Variants in ATP10B observed in about 807,000 individuals in gnomAD.
The protein encoded by ATP10B is ATPase phospholipid transporting 10B (putative).
In ATP10B, 122 loss-of-function variants were observed where a neutral mutation model predicts 141.2. That is an observed-to-expected ratio of 0.86 (90% CI 0.75 to 1.00). The LOEUF (loss-of-function observed/expected upper bound fraction) is 1.00. Ranked by LOEUF, ATP10B falls within the 50% of genes least tolerant of loss-of-function variation. ATP10B has a pLI of 0.00. For synonymous variants in ATP10B, 685 were observed against 692.0 expected, an observed-to-expected ratio of 0.99 and a Z score of 0.16; for missense variants, 1,876 against 1,825.3, an observed-to-expected ratio of 1.03 and a Z score of -0.51.
chr5:160,646,415 T>A (rs148738694), intron 8 of ATP10B, among the ~76,000 whole-genome samples: 6 of 152,322 alleles, frequency 3.9e-5, no homozygotes, highest in Non-Finnish European at 7.4e-5. Flanking sequence ...ATTGTATTAA[T>A]TTTTACCTCT....
At chr5:160,919,223 CAAA>C in the ATP10B span, among the ~76,000 whole-genome samples, 24 of 26,962 alleles carry the variant, frequency 8.9e-4, no homozygotes, top group Admixed American at 3.3e-3. Context: ...AACTCCGTCT[CAAA>C]AAAAAAAAAA....
At chr5:160,873,953 G>T in the ATP10B span, among the ~76,000 whole-genome samples, 15,592 of 152,290 alleles carry the variant, frequency 0.1, 1,149 homozygotes, top group East Asian at 0.32. Context: ...CAGCCAGGCT[G>T]GGGGAGGGGC....
At chr5:160,748,843 ATTT>A (rs1280968317) in intron 2 of ATP10B, among the ~76,000 whole-genome samples, 1 of 152,162 alleles carries the variant, frequency 6.6e-6, no homozygotes, top group Non-Finnish European at 1.5e-5. Context: ...ATAACATCTT[ATTT>A]TTTATTATTA....
intron 21 of ATP10B, among the ~76,000 whole-genome samples, chr5:160,599,806 GT>G (rs1274435013): frequency 4.6e-5 from 7 of 152,166 alleles, no homozygotes; most frequent in African/African-American, 1.7e-4. Context: ...TTGCGATATG[GT>G]TTGGTGATTT....
At chr5:160,926,344 C>A in the ATP10B span, among the ~76,000 whole-genome samples, 16 of 152,206 alleles carry the variant, frequency 1.1e-4, no homozygotes, top group Admixed American at 9.8e-4. Context: ...TTTCATAATA[C>A]AACATTGCTT....
At chr5:160,646,135 AG>A (rs1760260431) in intron 8 of ATP10B, among the ~76,000 whole-genome samples, 1 of 152,232 alleles carries the variant, frequency 6.6e-6, no homozygotes, top group African/African-American at 2.4e-5. Context: ...CTATACAACT[AG>A]TACATGAGAC....
the ATP10B span, among the ~76,000 whole-genome samples, chr5:160,911,360 G>A: frequency 1.3e-5 from 2 of 152,174 alleles, no homozygotes; most frequent in South Asian, 4.1e-4. Flanking sequence ...AACTAAAAAG[G>A]ATAAACATGA....
chr5:160,923,265 GA>G, the ATP10B span, among the ~76,000 whole-genome samples: 1 of 152,220 alleles, frequency 6.6e-6, no homozygotes, highest in Admixed American at 6.5e-5. Context: ...TGTGGTGGAA[GA>G]GGAAGAATTT....
At chr5:160,773,252 T>C (rs1770038579) in intron 2 of ATP10B, among the ~76,000 whole-genome samples, 1 of 152,194 alleles carries the variant, frequency 6.6e-6, no homozygotes, top group Admixed American at 6.5e-5. Context: ...AAAATAGTCG[T>C]AGTCTTAGCT....
intron 3 of ATP10B, among the ~76,000 whole-genome samples, chr5:160,689,408 T>C (rs947534611): frequency 2.0e-5 from 3 of 152,134 alleles, no homozygotes; most frequent in African/African-American, 7.2e-5. Context: ...AATAAAGGTA[T>C]TCGAATAGGA....
At chr5:160,605,582 G>A (rs986441963) in intron 19 of ATP10B, among the ~76,000 whole-genome samples, 5 of 152,146 alleles carry the variant, frequency 3.3e-5, no homozygotes, top group African/African-American at 9.7e-5. Context: ...GTAGGATGTC[G>A]TTGCTAAATT....
rs1346875295 is a variant in ATP10B, at chr5:160,653,873, G to A, written c.676-4617C>T. Among the ~76,000 whole-genome samples, 45 of 108,018 alleles carry A rather than the reference G, an allele frequency of 4.2e-4. 3 individuals carry two copies. Among genetic ancestry groups the A allele is most frequent in the African/African-American group, 1.3e-3 (33 of 26,282 alleles). 70.9% of individuals were successfully genotyped at this position (108,018 alleles called of 152,430 possible). ...CATATATAAATATATATTAATATAC[G>A]TATATACATATATAAATATATGTAG... On this transcript the variant is annotated intron_variant, in intron 7 of 25. Transcript: ENST00000327245.
chr5:160,792,803 T>C (rs1007543585), intron 1 of ATP10B, among the ~76,000 whole-genome samples: 7 of 152,210 alleles, frequency 4.6e-5, no homozygotes, highest in African/African-American at 1.7e-4. Flanking sequence ...ATGTAATTGG[T>C]CACTCTTGGC....
At position 160,687,928 on chromosome 5, in the gene ATP10B, G is replaced by T. The variant is rs905484885; in HGVS notation, c.147C>A (p.Phe49Leu). The T allele has an allele frequency of 1.9e-6, 3 of 1,614,078 alleles. No homozygotes were observed. Among genetic ancestry groups the T allele is most frequent in the Non-Finnish European group, 1.7e-6 (2 of 1,180,016 alleles). The change falls in exon 5 of 26, where the codon TTC becomes TTA. Residue 49 changes from phenylalanine (F) to leucine (L), a missense_variant. Coordinates refer to ENST00000327245, the MANE Select transcript of ATP10B (RefSeq NM_025153.3). ...CTTGATGGAATATGCTGTTGTTGGG[G>T]AACACGACCCGCTGCTGTGTCAAGT... ...SYNLTQQRVVFPNNSIFHQDW... is the reference protein window; with the variant it reads ...SYNLTQQRVVLPNNSIFHQDW...
At chr5:160,843,804 G>C (rs995364001) in intron 1 of ATP10B, among the ~76,000 whole-genome samples, 2 of 152,056 alleles carry the variant, frequency 1.3e-5, no homozygotes. Flanking sequence ...CAATGCAGGG[G>C]TGTGATGGGC....
intron 3 of ATP10B, among the ~76,000 whole-genome samples, chr5:160,716,079 C>G (rs191715455): frequency 6.6e-6 from 1 of 152,124 alleles, no homozygotes; most frequent in Non-Finnish European, 1.5e-5. Context: ...CATCTATATA[C>G]ATACCTTGAA....
chr5:160,833,531 C>G (rs1775231626), intron 1 of ATP10B, among the ~76,000 whole-genome samples: 1 of 152,108 alleles, frequency 6.6e-6, no homozygotes, highest in African/African-American at 2.4e-5. Flanking sequence ...ACACAATGTC[C>G]AGCATACAAC....
At chr5:160,820,782 G>T (rs1324787446) in intron 1 of ATP10B, among the ~76,000 whole-genome samples, 3 of 152,148 alleles carry the variant, frequency 2.0e-5, no homozygotes, top group African/African-American at 7.2e-5. Flanking sequence ...CAGAATGAAG[G>T]TTAAAAACCA....
chr5:160,724,114 G>T (rs983456427), intron 2 of ATP10B, among the ~76,000 whole-genome samples: 1 of 152,062 alleles, frequency 6.6e-6, no homozygotes, highest in African/African-American at 2.4e-5. Flanking sequence ...ACATACACTG[G>T]GGCCTATCGG....
Sources: allele counts gnomAD v4.1 joint callset (sites outside exome capture counted in the v4.1 genomes callset), GRCh38; gene constraint gnomAD v4.1.1; transcripts MANE v1.5; gene names NCBI Gene and HGNC (gene_info 2026-07-23, HGNC 2026-07-21).